Variants in AP3B1 observed in about 807,000 individuals in gnomAD.
AP3B1 encodes the protein adaptor related protein complex 3 subunit beta 1.
In AP3B1, 61 loss-of-function variants were observed where a neutral mutation model predicts 132.5. That is an observed-to-expected ratio of 0.46 (90% CI 0.37 to 0.57). The LOEUF is 0.57. Ranked by LOEUF, AP3B1 falls within the 20% of genes least tolerant of loss-of-function variation. The probability of loss-of-function intolerance (pLI) is 0.00; values close to 1 mark genes in which losing one functional copy is unlikely to be tolerated. For synonymous variants in AP3B1, 388 were observed against 438.3 expected (o/e 0.89, Z 1.43); for missense variants, 1,120 against 1,289.4 (o/e 0.87, Z 2.01).
intron 3 of AP3B1, among the ~76,000 whole-genome samples, chr5:78,234,313 C>T (rs1006063991): frequency 3.3e-5 from 5 of 152,076 alleles, no homozygotes; most frequent in Non-Finnish European, 5.9e-5. Context: ...TGATGTTACA[C>T]AAGAATACAA....
chr5:78,175,647 T>A lies in AP3B1; in HGVS notation c.1146A>T (p.Pro382=). 6.2e-7 allele frequency: 1 copy of A among 1,613,318 alleles called. No homozygotes were observed. Among genetic ancestry groups the A allele is most frequent in the East Asian group, 2.2e-5 (1 of 44,732 alleles). ...ATACCTTCAGTGTCTTGATCATAGT[T>A]GGATCAGTTGACCTAACATAGAAAC... The part of the protein sequence containing the change: ...LKSFYVRSTD[P]TMIKTLKLEI... Residue 382 remains proline (P), a synonymous_variant, in exon 11 of 27, where the codon CCA becomes CCT. Coordinates refer to ENST00000255194, the MANE Select transcript of AP3B1 (RefSeq NM_003664.5).
chr5:78,157,489 C>T (rs1007235900), intron 13 of AP3B1, among the ~76,000 whole-genome samples: 1 of 152,184 alleles, frequency 6.6e-6, no homozygotes, highest in Non-Finnish European at 1.5e-5. Context: ...TCATACTAAA[C>T]TGGCCAATCA....
intron 17 of AP3B1, among the ~76,000 whole-genome samples, chr5:78,125,708 A>G (rs1752427502): frequency 6.6e-6 from 1 of 152,148 alleles, no homozygotes; most frequent in Non-Finnish European, 1.5e-5. Context: ...AACCATGTTC[A>G]ATCAGTTATA....
At chr5:78,175,876 C>G in intron 9 of AP3B1, 38 bp from the exon 10 acceptor site, 1 of 1,449,644 alleles carries the variant, frequency 6.9e-7, no homozygotes, top group Non-Finnish European at 9.7e-7. Flanking sequence ...GGTATATGTT[C>G]CAATGAAACA....
At chr5:78,156,392 A>G in intron 13 of AP3B1, 25 bp from the exon 14 acceptor site, 7 of 1,456,838 alleles carry the variant, frequency 4.8e-6, no homozygotes, top group Non-Finnish European at 6.7e-6. Flanking sequence ...AATTATTCAT[A>G]CTAAATATGT....
intron 6 of AP3B1, among the ~76,000 whole-genome samples, chr5:78,220,740 G>A (rs1486478005): frequency 2.6e-5 from 4 of 151,614 alleles, no homozygotes; most frequent in Admixed American, 6.6e-5. Context: ...TGGAAACTGT[G>A]AAATAACAGA....
intron 22 of AP3B1, among the ~76,000 whole-genome samples, chr5:78,047,076 CA>C (rs567077275): frequency 2.5e-3 from 386 of 152,210 alleles, no homozygotes; most frequent in African/African-American, 9.0e-3. Flanking sequence ...GTATGTGTGC[CA>C]CATTTTCTTT....
chr5:78,191,166 T>C (rs554668925), intron 7 of AP3B1, among the ~76,000 whole-genome samples: 38 of 151,962 alleles, frequency 2.5e-4, no homozygotes, highest in Non-Finnish European at 4.1e-4. Flanking sequence ...TTTCTAAGAA[T>C]GGCTAAACAG....
intron 22 of AP3B1, chr5:78,041,961 G>A (rs545056195): frequency 4.0e-5 from 8 of 201,506 alleles, no homozygotes; most frequent in East Asian, 1.3e-4. Flanking sequence ...GCTGCTGCAC[G>A]CAGTACTCAT....
intron 11 of AP3B1, among the ~76,000 whole-genome samples, chr5:78,169,586 G>T (rs995724532): frequency 1.3e-5 from 2 of 151,820 alleles, no homozygotes; most frequent in Non-Finnish European, 2.9e-5. Flanking sequence ...CGGCCACCAC[G>T]CCTGGCTAAT....
In AP3B1 at chr5:78,167,630, TATAC is replaced by T. The variant is rs1471843278; in HGVS notation, c.1168-1962_1168-1959del. 4.2e-3 allele frequency among the ~76,000 whole-genome samples: 627 copies of T among 150,792 alleles called. 7 individuals carry two copies. The highest frequency in any genetic ancestry group is 0.015 in the African/African-American group (605 of 40,528). On this transcript the variant is annotated intron_variant, in intron 11 of 26. Transcript: ENST00000255194. ...ATGTGGATAAAGAACATGTTATATA[TATAC>T]ACACACACACACACACACACACACA...
chr5:78,210,434 A>G (rs1342621336), intron 7 of AP3B1, among the ~76,000 whole-genome samples: 1 of 152,180 alleles, frequency 6.6e-6, no homozygotes, highest in African/African-American at 2.4e-5. Flanking sequence ...CCTTAAAAAT[A>G]CTTTAAACAA....
chr5:78,010,171 A>G (rs1057357847), intron 26 of AP3B1, among the ~76,000 whole-genome samples: 1 of 152,224 alleles, frequency 6.6e-6, no homozygotes, highest in Non-Finnish European at 1.5e-5. Context: ...GGATATGTGT[A>G]AGAAAAATTA....
chr5:78,153,929 T>C (rs145860366), intron 14 of AP3B1, among the ~76,000 whole-genome samples: 6 of 152,328 alleles, frequency 3.9e-5, no homozygotes, highest in African/African-American at 7.2e-5. Context: ...GTCATAGTTA[T>C]GTTTAATCAG....
chr5:78,218,477 G>A (rs901171135), intron 6 of AP3B1, among the ~76,000 whole-genome samples: 13 of 152,014 alleles, frequency 8.6e-5, no homozygotes. Flanking sequence ...TGGTTGCCAC[G>A]TTTTTCTGTG....
chr5:78,004,836 C>T (rs1311578619), intron 26 of AP3B1, among the ~76,000 whole-genome samples: 1 of 152,142 alleles, frequency 6.6e-6, no homozygotes, highest in Non-Finnish European at 1.5e-5. Flanking sequence ...ATAAATCATA[C>T]CAATGTTTTT....
intron 22 of AP3B1, among the ~76,000 whole-genome samples, chr5:78,065,213 G>C (rs1749235450): frequency 6.6e-6 from 1 of 152,180 alleles, no homozygotes; most frequent in Admixed American, 6.5e-5. Flanking sequence ...ATCCCCTCGT[G>C]AGCCCATGCC....
At chr5:78,035,883 T>C (rs1747789817) in intron 23 of AP3B1, among the ~76,000 whole-genome samples, 2 of 152,156 alleles carry the variant, frequency 1.3e-5, no homozygotes, top group East Asian at 1.9e-4. Flanking sequence ...CATAAAGCTA[T>C]GTGCTGTCAA....
rs538070757 is a variant in AP3B1 at position 78,024,500 on chromosome 5, C to T, written c.2895-3711G>A. Among the ~76,000 whole-genome samples the T allele has an allele frequency of 3.3e-5, 5 of 151,926 alleles. 1 individual carries two copies. The highest frequency in any genetic ancestry group is 1.2e-4 in the African/African-American group (5 of 41,428). On this transcript the variant is annotated intron_variant, in intron 24 of 26. Transcript: ENST00000255194. ...GACCTCCTGGGCTCAAGTGATGCTC[C>T]TATCTCAGCCTCCCAAATAGCTGGG...
Sources: allele counts gnomAD v4.1 joint callset (sites outside exome capture counted in the v4.1 genomes callset), GRCh38; gene constraint gnomAD v4.1.1; transcripts MANE v1.5; gene names NCBI Gene and HGNC (gene_info 2026-07-23, HGNC 2026-07-21).